The following PTPRT variants were observed in gnomAD, a reference collection of about 807,000 sequenced individuals.
The protein encoded by PTPRT is receptor-type tyrosine-protein phosphatase T.
PTPRT carries 56 observed loss-of-function variants against 176.8 expected under a neutral mutation model. The observed-to-expected ratio is 0.32, with a 90% CI of 0.26 to 0.40. The LOEUF (loss-of-function observed/expected upper bound fraction) is 0.40. PTPRT is among the 10% of genes least tolerant of loss of function. The pLI is 1.00. For missense variants in PTPRT, 1,540 were observed against 1,908.2 expected, an observed-to-expected ratio of 0.81 and a Z score of 3.60; for synonymous variants, 783 against 739.0, an observed-to-expected ratio of 1.06 and a Z score of -0.96.
chr20:42,734,669 C>T (rs779178890), intron 6 of PTPRT, among the ~76,000 whole-genome samples: 27 of 152,238 alleles, frequency 1.8e-4, no homozygotes, highest in Non-Finnish European at 2.1e-4. Flanking sequence ...TGACAAACAA[C>T]CCCGAATCTT....
At chr20:42,598,428 T>G (rs1386915988) in intron 7 of PTPRT, among the ~76,000 whole-genome samples, 1 of 152,192 alleles carries the variant, frequency 6.6e-6, no homozygotes, top group Non-Finnish European at 1.5e-5. Context: ...GCGAGAGTAT[T>G]GGTTTGTAAA....
chr20:42,533,868 G>A (rs1228068725), intron 7 of PTPRT, among the ~76,000 whole-genome samples: 1 of 152,208 alleles, frequency 6.6e-6, no homozygotes, highest in Non-Finnish European at 1.5e-5. Context: ...GCAAGGGAAT[G>A]GGGGTGAAGG....
At chr20:42,497,559 A>G (rs2071677309) in intron 7 of PTPRT, among the ~76,000 whole-genome samples, 1 of 152,016 alleles carries the variant, frequency 6.6e-6, no homozygotes. Context: ...CTGAGATTAT[A>G]GGCACCCAAC....
chr20:42,649,127 A>T (rs2074980763), intron 7 of PTPRT, among the ~76,000 whole-genome samples: 1 of 152,002 alleles, frequency 6.6e-6, no homozygotes. Flanking sequence ...CCAAGGAAAG[A>T]GGTTTAATGG....
chr20:42,197,370 C>A, intron 16 of PTPRT, among the ~76,000 whole-genome samples: 1 of 88,648 alleles, frequency 1.1e-5, no homozygotes, highest in Admixed American at 1.3e-4. Flanking sequence ...TAGAGTGAGA[C>A]TCCATCAAAA....
intron 23 of PTPRT, among the ~76,000 whole-genome samples, chr20:42,108,275 A>T (rs766748705): frequency 4.6e-5 from 7 of 152,194 alleles, no homozygotes; most frequent in Non-Finnish European, 1.0e-4. Flanking sequence ...ATCACATAGT[A>T]ATTGAACACA....
intron 9 of PTPRT, among the ~76,000 whole-genome samples, chr20:42,369,385 C>T (rs982072950): frequency 6.6e-6 from 1 of 152,196 alleles, no homozygotes; most frequent in Non-Finnish European, 1.5e-5. Context: ...AACGCACTAC[C>T]TGTCTCCAAA....
rs142568814 is a variant in PTPRT, at chr20:42,804,576, G to A, written c.215-13110C>T. Among the ~76,000 whole-genome samples, 586 of 152,346 alleles carry A rather than the reference G, an allele frequency of 3.8e-3. 5 individuals carry two copies. Among genetic ancestry groups the A allele is most frequent in the African/African-American group, 0.013 (555 of 41,580 alleles). ...CAATGAGCTGAATGGGTTCCCTGAA[G>A]CCGCCATAACAAAGACCACAAAGTG... is the stretch of plus-strand genomic sequence containing the variant. On this transcript the variant is annotated intron_variant, in intron 2 of 30. Coordinates refer to ENST00000373187, the MANE Select transcript of PTPRT (RefSeq NM_007050.6).
intron 7 of PTPRT, among the ~76,000 whole-genome samples, chr20:42,540,094 A>G (rs548570566): frequency 1.1e-4 from 17 of 152,326 alleles, no homozygotes; most frequent in Admixed American, 2.0e-4. Context: ...AATCCACATT[A>G]AGGTAGATAA....
chr20:42,544,290 G>A (rs555305973), intron 7 of PTPRT, among the ~76,000 whole-genome samples: 2 of 152,164 alleles, frequency 1.3e-5, no homozygotes, highest in African/African-American at 2.4e-5. Context: ...TACAGCTTCT[G>A]CATAAGCATT....
At chr20:42,160,787 G>A (rs56039253) in intron 17 of PTPRT, among the ~76,000 whole-genome samples, 23,721 of 152,214 alleles carry the variant, frequency 0.16, 2,390 homozygotes, top group Non-Finnish European at 0.22. Flanking sequence ...GGAAAGGGAT[G>A]CCCAGTGCAG....
intron 1 of PTPRT, among the ~76,000 whole-genome samples, chr20:43,070,725 A>AT (rs2011168593): frequency 6.6e-6 from 1 of 152,108 alleles, no homozygotes; most frequent in South Asian, 2.1e-4. Context: ...TCTCGCAAGG[A>AT]TAAAAAACCA....
At chr20:43,126,434 A>C (rs1356814337) in intron 1 of PTPRT, among the ~76,000 whole-genome samples, 1 of 152,194 alleles carries the variant, frequency 6.6e-6, no homozygotes, top group Non-Finnish European at 1.5e-5. Flanking sequence ...ATAAGAAGAA[A>C]AGGAAGTTTT....
chr20:43,101,938 C>T (rs1000693288), intron 1 of PTPRT, among the ~76,000 whole-genome samples: 1 of 152,182 alleles, frequency 6.6e-6, no homozygotes, highest in African/African-American at 2.4e-5. Context: ...TCATTTCTCA[C>T]AATTCTGGAG....
At chr20:42,386,044 A>G (rs981500674) in intron 9 of PTPRT, among the ~76,000 whole-genome samples, 2 of 152,228 alleles carry the variant, frequency 1.3e-5, no homozygotes, top group Non-Finnish European at 2.9e-5. Context: ...TATGCCATGC[A>G]TACACATATA....
chr20:42,914,049 T>C (rs1160054777), intron 1 of PTPRT, among the ~76,000 whole-genome samples: 2 of 152,188 alleles, frequency 1.3e-5, no homozygotes, highest in Admixed American at 6.5e-5. Context: ...TGGAGTAGAT[T>C]TGTGTGTTTT....
chr20:42,254,826 G>T (rs2056609639), intron 13 of PTPRT, among the ~76,000 whole-genome samples: 1 of 152,086 alleles, frequency 6.6e-6, no homozygotes, highest in South Asian at 2.1e-4. Context: ...TGGCTTCCTG[G>T]ATGCACAACT....
intron 1 of PTPRT, among the ~76,000 whole-genome samples, chr20:43,077,632 A>G (rs999921198): frequency 2.0e-5 from 3 of 152,194 alleles, no homozygotes; most frequent in African/African-American, 7.2e-5. Context: ...AAAGCCAGGC[A>G]CATCCCATGC....
chr20:42,548,757 A>T (rs1226668110), intron 7 of PTPRT, among the ~76,000 whole-genome samples: 1 of 152,178 alleles, frequency 6.6e-6, no homozygotes, highest in African/African-American at 2.4e-5. Context: ...ACTCGTGAAA[A>T]TTTAATAGAA....
Sources: gnomAD v4.1 joint callset for allele counts (sites outside exome capture counted in the v4.1 genomes callset) on GRCh38, gnomAD v4.1.1 for gene constraint, MANE v1.5 for transcripts, NCBI Gene and HGNC (gene_info 2026-07-23, HGNC 2026-07-21) for gene names.